Variants in P3H2 observed in about 807,000 individuals in gnomAD.
P3H2 encodes prolyl 3-hydroxylase 2.
A neutral mutation model predicts 87.0 loss-of-function variants in P3H2; 80 were observed. That is an observed-to-expected ratio of 0.92 (90% CI 0.77 to 1.11). The LOEUF (loss-of-function observed/expected upper bound fraction) is 1.11, where lower values mean the gene tolerates loss of function less well. Among genes scored for constraint, P3H2 ranks in the 50% least tolerant of loss-of-function variants. The probability of loss-of-function intolerance (pLI) is 0.00; values close to 1 mark genes in which losing one functional copy is unlikely to be tolerated. For synonymous variants in P3H2, 367 were observed against 359.3 expected, an observed-to-expected ratio of 1.02 and a Z score of -0.24; for missense variants, 1,001 against 923.9, an observed-to-expected ratio of 1.08 and a Z score of -1.08.
At chr3:190,048,525 T>C (rs993125597) in intron 1 of P3H2, among the ~76,000 whole-genome samples, 8 of 152,162 alleles carry the variant, frequency 5.3e-5, no homozygotes, top group Non-Finnish European at 8.8e-5. Flanking sequence ...ATAACTACCA[T>C]AGATTTTGCT....
At position 189,986,883 on chromosome 3, in the gene P3H2, G is replaced by C; in HGVS notation, c.1099-6C>G. 1 of 1,588,658 alleles carries C rather than the reference G, an allele frequency of 6.3e-7. No individual in the cohort carries two copies. The highest frequency in any genetic ancestry group is 8.6e-7 in the Non-Finnish European group (1 of 1,157,208). ...TTCACAAACATTGTTAAATCCTAGA[G>C]AAAAAGAAGTAAAGAAAGACATTTT... is the stretch of plus-strand genomic sequence containing the variant. On this transcript the variant is annotated splice_region_variant and splice_polypyrimidine_tract_variant and intron_variant, in intron 5 of 14. Coordinates refer to ENST00000319332, the MANE Select transcript of P3H2 (RefSeq NM_018192.4).
intron 1 of P3H2, among the ~76,000 whole-genome samples, chr3:190,030,980 G>A (rs1039357711): frequency 6.6e-6 from 1 of 152,212 alleles, no homozygotes; most frequent in Non-Finnish European, 1.5e-5. Flanking sequence ...ACTATAATTC[G>A]TAGTGAATGC....
At chr3:190,089,893 C>G (rs1252784906) in intron 1 of P3H2, among the ~76,000 whole-genome samples, 2 of 152,090 alleles carry the variant, frequency 1.3e-5, no homozygotes, top group East Asian at 3.8e-4. Flanking sequence ...ATGCCTGACA[C>G]CACATCACAT....
intron 8 of P3H2, among the ~76,000 whole-genome samples, chr3:189,976,906 A>G (rs1306907747): frequency 2.0e-5 from 3 of 152,294 alleles, no homozygotes; most frequent in African/African-American, 7.2e-5. Context: ...ACAATTCACT[A>G]TTTCTCAAAT....
At chr3:190,098,924 T>C (rs2108990381) in intron 1 of P3H2, among the ~76,000 whole-genome samples, 1 of 152,322 alleles carries the variant, frequency 6.6e-6, no homozygotes, top group Non-Finnish European at 1.5e-5. Context: ...CACTTAGTTG[T>C]CAAGGTTTAT....
At chr3:190,119,578 C>T (rs1712450638) in intron 1 of P3H2, among the ~76,000 whole-genome samples, 1 of 152,132 alleles carries the variant, frequency 6.6e-6, no homozygotes. Context: ...TAACCCAGTC[C>T]AATGCATACC....
chr3:190,098,969 C>T (rs1195692464), intron 1 of P3H2, among the ~76,000 whole-genome samples: 1 of 152,024 alleles, frequency 6.6e-6, no homozygotes, highest in African/African-American at 2.4e-5. Flanking sequence ...TGATACAACG[C>T]TGTTTACTTT....
chr3:189,970,741 T>G (rs1413489170), intron 13 of P3H2, 75 bp downstream of exon 13: 2 of 854,502 alleles, frequency 2.3e-6, no homozygotes, highest in Non-Finnish European at 4.1e-6. Context: ...AATCTAACCA[T>G]CTGTAAGTAC....
intron 13 of P3H2, among the ~76,000 whole-genome samples, chr3:189,965,443 C>A (rs1183908224): frequency 4.6e-5 from 7 of 151,852 alleles, no homozygotes; most frequent in Admixed American, 4.6e-4. Flanking sequence ...AAGGGAAGAG[C>A]AGAAAAAAAG....
At chr3:190,060,097 A>G (rs994672995) in intron 1 of P3H2, among the ~76,000 whole-genome samples, 1 of 152,200 alleles carries the variant, frequency 6.6e-6, no homozygotes, top group Non-Finnish European at 1.5e-5. Flanking sequence ...GACTAATCCA[A>G]TGCCTGAAAA....
intron 1 of P3H2, among the ~76,000 whole-genome samples, chr3:190,114,201 T>C (rs1260756872): frequency 1.4e-5 from 2 of 140,170 alleles, no homozygotes; most frequent in Non-Finnish European, 3.1e-5. Context: ...TTTTTTTTTT[T>C]GAGGCGGAGT....
intron 1 of P3H2, among the ~76,000 whole-genome samples, chr3:190,019,498 C>T (rs916887327): frequency 2.0e-5 from 3 of 152,056 alleles, no homozygotes; most frequent in Non-Finnish European, 4.4e-5. Flanking sequence ...CCTATATCCA[C>T]AGATGTCTGG....
At position 189,987,466 on chromosome 3, in the gene P3H2, C is replaced by T. The variant is rs894283472; in HGVS notation, c.1098+61G>A. On this transcript the variant is annotated intron_variant, in intron 5 of 14. Coordinates refer to ENST00000319332, the MANE Select transcript of P3H2 (RefSeq NM_018192.4). ...TGCACTCCAGCCTGGGCAACAAGAG[C>T]GAAACTCTGTCTTAAAAAAAAAAAA... 6.1e-5 allele frequency: 93 copies of T among 1,522,056 alleles called. 1 individual carries two copies. The highest frequency in any genetic ancestry group is 5.3e-4 in the African/African-American group (37 of 69,234). 94.3% of individuals were successfully genotyped at this position (1,522,056 alleles called of 1,614,324 possible). A position where few individuals can be genotyped will look rare whatever the true frequency, so the allele number is the denominator to read the frequency against.
At chr3:190,081,570 C>G (rs369462502) in intron 1 of P3H2, among the ~76,000 whole-genome samples, 2 of 152,042 alleles carry the variant, frequency 1.3e-5, no homozygotes, top group Non-Finnish European at 2.9e-5. Context: ...CATCTAGTGT[C>G]GCCACTTTCT....
chr3:189,987,194 G>T (rs142943445), intron 5 of P3H2, among the ~76,000 whole-genome samples: 12 of 152,294 alleles, frequency 7.9e-5, no homozygotes, highest in African/African-American at 2.4e-4. Context: ...TTCTTTTCAG[G>T]CCAGGCGCGG....
Position 189,957,072 on chromosome 3 carries a change from G to GT in P3H2, c.*839dup. ...TGGAGGGTGAATCAAAGCTTCCAGT[G>GT]TAAGTTTATTGTCTGGCGAAAACAC... On this transcript the variant is annotated 3_prime_UTR_variant, in exon 15 of 15. Coordinates refer to ENST00000319332, the MANE Select transcript of P3H2 (RefSeq NM_018192.4). 1 of 398,664 alleles carries GT rather than the reference G, an allele frequency of 2.5e-6. No homozygotes were observed. The highest frequency in any genetic ancestry group is 6.3e-4 in the Middle Eastern group (1 of 1,590). 24.7% of individuals were successfully genotyped at this position (398,664 alleles called of 1,614,324 possible). A position where few individuals can be genotyped will look rare whatever the true frequency, so the allele number is the denominator to read the frequency against.
chr3:189,961,069 T>C (rs190802379), intron 14 of P3H2, among the ~76,000 whole-genome samples: 2 of 152,196 alleles, frequency 1.3e-5, no homozygotes, highest in African/African-American at 2.4e-5. Flanking sequence ...GCCTCCCCAG[T>C]AGCTGGGATT....
chr3:190,069,951 T>C (rs973414828), intron 1 of P3H2, among the ~76,000 whole-genome samples: 8 of 140,150 alleles, frequency 5.7e-5, no homozygotes, highest in Non-Finnish European at 1.1e-4. Flanking sequence ...TGTAGACAAG[T>C]TTTTTTTTTT....
intron 1 of P3H2, among the ~76,000 whole-genome samples, chr3:190,003,397 C>T (rs982866113): frequency 6.6e-6 from 1 of 151,768 alleles, no homozygotes; most frequent in East Asian, 1.9e-4. Flanking sequence ...AAATAGAAAC[C>T]ATCTTTCTGG....
Sources: allele counts gnomAD v4.1 joint callset (sites outside exome capture counted in the v4.1 genomes callset), GRCh38; gene constraint gnomAD v4.1.1; transcripts MANE v1.5; gene names NCBI Gene and HGNC (gene_info 2026-07-23, HGNC 2026-07-21).